The following SLC12A8 variants were observed in gnomAD, a reference collection of about 807,000 sequenced individuals.
The protein encoded by SLC12A8 is solute carrier family 12 member 8, also known as cation-chloride cotransporter 9.
SLC12A8 carries 69 observed loss-of-function variants against 75.6 expected under a neutral mutation model. The ratio of observed to expected loss-of-function variants is 0.91; its 90% CI spans 0.75 to 1.11. The LOEUF (loss-of-function observed/expected upper bound fraction) is 1.11, where lower values mean the gene tolerates loss of function less well. SLC12A8 is among the 50% of genes most tolerant of loss of function. SLC12A8 has a pLI of 0.00. For synonymous variants in SLC12A8, 365 were observed against 372.8 expected, an observed-to-expected ratio of 0.98 and a Z score of 0.24; for missense variants, 877 against 896.7, an observed-to-expected ratio of 0.98 and a Z score of 0.28.
chr3:125,091,237 T>C (rs772794481), intron 12 of SLC12A8, among the ~76,000 whole-genome samples: 57 of 152,348 alleles, frequency 3.7e-4, no homozygotes, highest in Non-Finnish European at 6.3e-4. Context: ...ACATATCTTA[T>C]AAACCTCATT....
chr3:125,118,077 C>CA (rs1939357200), intron 8 of SLC12A8, among the ~76,000 whole-genome samples: 1 of 152,244 alleles, frequency 6.6e-6, no homozygotes, highest in African/African-American at 2.4e-5. Context: ...CTGAGCAGCA[C>CA]ATTTGATTCA....
chr3:125,168,631 G>A (rs1344844487), intron 5 of SLC12A8, among the ~76,000 whole-genome samples: 1 of 152,200 alleles, frequency 6.6e-6, no homozygotes, highest in East Asian at 1.9e-4. Context: ...TATTGTGGAA[G>A]AAGTAGGAAG....
chr3:125,191,229 G>A (rs536492259), intron 2 of SLC12A8, among the ~76,000 whole-genome samples: 44 of 152,184 alleles, frequency 2.9e-4, no homozygotes, highest in African/African-American at 9.6e-4. Context: ...AATCAGAGGC[G>A]AATAATGAAA....
At chr3:125,170,991 A>G (rs1934396932) in intron 5 of SLC12A8, among the ~76,000 whole-genome samples, 1 of 152,220 alleles carries the variant, frequency 6.6e-6, no homozygotes, top group African/African-American at 2.4e-5. Flanking sequence ...TAGGAGTGGG[A>G]AAATGGAGTG....
chr3:125,182,564 C>T (rs867364364), intron 4 of SLC12A8, among the ~76,000 whole-genome samples: 31 of 149,390 alleles, frequency 2.1e-4, no homozygotes, highest in African/African-American at 4.7e-4. Flanking sequence ...TATAGTGCAG[C>T]GGCGTGATCT....
intron 10 of SLC12A8, among the ~76,000 whole-genome samples, chr3:125,104,668 T>C (rs1444197200): frequency 6.6e-6 from 1 of 152,198 alleles, no homozygotes; most frequent in Non-Finnish European, 1.5e-5. Context: ...AAAGTAGTAA[T>C]ATGACCAGTT....
chr3:125,196,158 C>A (rs1935005672), intron 2 of SLC12A8, among the ~76,000 whole-genome samples: 1 of 152,088 alleles, frequency 6.6e-6, no homozygotes, highest in Admixed American at 6.6e-5. Flanking sequence ...TACTCAAAAT[C>A]AAATACAATT....
At chr3:125,184,028 A>C (rs910811952) in intron 4 of SLC12A8, among the ~76,000 whole-genome samples, 1 of 152,026 alleles carries the variant, frequency 6.6e-6, no homozygotes, top group African/African-American at 2.4e-5. Context: ...GCTGGAGTGC[A>C]GTGGCGCATT....
At chr3:125,204,191 TAAAAATAGAACTACCATATGA>T (rs1935183107) in intron 2 of SLC12A8, among the ~76,000 whole-genome samples, 1 of 152,154 alleles carries the variant, frequency 6.6e-6, no homozygotes, top group African/African-American at 2.4e-5. Flanking sequence ...CATTAAAAAT[TAAAAATAGAACTACCATATGA>T]TCCAGCAATC....
intron 2 of SLC12A8, among the ~76,000 whole-genome samples, chr3:125,192,957 C>T (rs1437342908): frequency 1.3e-5 from 2 of 152,074 alleles, no homozygotes; most frequent in Non-Finnish European, 2.9e-5. Context: ...AAGGACGAAA[C>T]CAAAACAGAG....
At chr3:125,149,028 G>A (rs1291683122) in intron 5 of SLC12A8, among the ~76,000 whole-genome samples, 4 of 152,292 alleles carry the variant, frequency 2.6e-5, no homozygotes, top group Non-Finnish European at 5.9e-5. Flanking sequence ...TCGCTTCCTC[G>A]GAACTCCCAG....
rs1297178320 is a variant in SLC12A8 at position 125,176,927 on chromosome 3, C to A, written c.622+816G>T. 2.6e-5 allele frequency among the ~76,000 whole-genome samples: 4 copies of A among 151,924 alleles called. No individual in the cohort carries two copies. In the East Asian group the frequency reaches 7.7e-4, roughly 29 times the overall value. On this transcript the variant is annotated intron_variant, in intron 5 of 13. Transcript: ENST00000469902. Reference sequence around the variant, plus strand: ...TGGAAGTCGGTGTGGCGATTCCTCACGGATCTAGAACTAGAAATACCATTT... The same window carrying A: ...TGGAAGTCGGTGTGGCGATTCCTCAAGGATCTAGAACTAGAAATACCATTT...
At chr3:125,150,541 G>C (rs1245181494) in intron 5 of SLC12A8, among the ~76,000 whole-genome samples, 1 of 152,180 alleles carries the variant, frequency 6.6e-6, no homozygotes, top group Admixed American at 6.5e-5. Context: ...CAAAATTTGA[G>C]AGTATGGATC....
intron 5 of SLC12A8, 85 bp from the exon 6 acceptor site, chr3:125,135,867 T>C: frequency 1.3e-6 from 1 of 742,690 alleles, no homozygotes; most frequent in Non-Finnish European, 2.2e-6. Context: ...ATTTCATATA[T>C]CGCTTTAAAT....
Position 125,177,960 on chromosome 3 carries a change from G to A in SLC12A8, c.405C>T (p.Ala135=). The A allele has an allele frequency of 1.2e-6, 2 of 1,612,932 alleles. No individual in the cohort carries two copies. The highest frequency in any genetic ancestry group is 1.7e-6 in the Non-Finnish European group (2 of 1,179,434). Residue 135 remains alanine (A), a synonymous_variant, in exon 5 of 14, where the codon GCC becomes GCT. Coordinates refer to ENST00000469902, the MANE Select transcript of SLC12A8 (RefSeq NM_024628.6). The part of the protein sequence containing the change: ...LYVFGQCVAG[A]MYITGFAESI... The stretch of plus-strand genomic sequence containing the variant: ...ATTCAGCAAAGCCGGTGATATACAT[G>A]GCACCTGCAACACACTGACATGCGA...
chr3:125,196,104 T>C (rs1668772379), intron 2 of SLC12A8, among the ~76,000 whole-genome samples: 1 of 152,256 alleles, frequency 6.6e-6, no homozygotes, highest in Non-Finnish European at 1.5e-5. Flanking sequence ...AGTAGACCCA[T>C]TCATATAGTT....
At chr3:125,153,488 A>G (rs1249178545) in intron 5 of SLC12A8, among the ~76,000 whole-genome samples, 1 of 152,202 alleles carries the variant, frequency 6.6e-6, no homozygotes, top group East Asian at 1.9e-4. Flanking sequence ...TCTCAATAGC[A>G]TGTTCTTGTG....
rs1251402405 is a variant in SLC12A8, at chr3:125,108,121, C to G, written c.1065G>C (p.Gly355=). ...TGGCAGCCACGGGTGTTTTGTTTGGCCCCTTCTGCAGGAACAAAAATAACA... is the reference window on the plus strand; with the variant it reads ...TGGCAGCCACGGGTGTTTTGTTTGGGCCCTTCTGCAGGAACAAAAATAACA... The part of the protein sequence containing the change: ...PALACLGQGK[G]PNKTPVAAIC... Residue 355 remains glycine, a synonymous_variant, in exon 10 of 14, where the codon GGG becomes GGC. Coordinates refer to ENST00000469902, the MANE Select transcript of SLC12A8 (RefSeq NM_024628.6). The G allele has an allele frequency of 6.2e-7, 1 of 1,611,768 alleles. No individual in the cohort carries two copies. The highest frequency in any genetic ancestry group is 1.7e-5 in the Admixed American group (1 of 59,800).
rs116582960 is a variant in SLC12A8 at position 125,194,254 on chromosome 3, G to A, written c.52-3733C>T. ...TGGCCCAGGATGATCCCTCTGCCATGCTCCTCATTGCTAGGGTCTTCCTTC... is the reference window on the plus strand; with the variant it reads ...TGGCCCAGGATGATCCCTCTGCCATACTCCTCATTGCTAGGGTCTTCCTTC... On this transcript the variant is annotated intron_variant, in intron 2 of 13. Transcript: ENST00000469902. Among the ~76,000 whole-genome samples, 566 of 152,348 alleles carry A rather than the reference G, an allele frequency of 3.7e-3. 5 individuals are homozygous for A. Among genetic ancestry groups the A allele is most frequent in the African/African-American group, 0.013 (548 of 41,588 alleles).
Sources: gnomAD v4.1 joint callset for allele counts (sites outside exome capture counted in the v4.1 genomes callset) on GRCh38, gnomAD v4.1.1 for gene constraint, MANE v1.5 for transcripts, NCBI Gene and HGNC (gene_info 2026-07-23, HGNC 2026-07-21) for gene names.